GPC5: variants seen among roughly 807,000 people sequenced by gnomAD.
GPC5 encodes glypican 5, also known as glypican-5.
A neutral mutation model predicts 53.9 loss-of-function variants in GPC5; 47 were observed. The ratio of observed to expected loss-of-function variants is 0.87; its 90% CI spans 0.69 to 1.11. The LOEUF (loss-of-function observed/expected upper bound fraction) is 1.11, where lower values mean the gene tolerates loss of function less well. Ranked by LOEUF, GPC5 falls within the 50% of genes most tolerant of loss-of-function variation. The pLI, the probability that GPC5 is intolerant of heterozygous loss-of-function variation, is 0.00. For synonymous variants in GPC5, 286 were observed against 263.3 expected (o/e 1.09, Z -0.84); for missense variants, 748 against 713.1 (o/e 1.05, Z -0.56).
chr13:91,782,434 GA>G (rs2037812408), intron 5 of GPC5, among the ~76,000 whole-genome samples: 1 of 152,134 alleles, frequency 6.6e-6, no homozygotes, highest in African/African-American at 2.4e-5. Flanking sequence ...GGGAAGCAAG[GA>G]CCTTCTTCAC....
intron 6 of GPC5, among the ~76,000 whole-genome samples, chr13:92,113,242 GAATACAATCTT>G (rs1168222252): frequency 6.6e-6 from 1 of 152,028 alleles, no homozygotes; most frequent in East Asian, 1.9e-4. Context: ...GTTTTGACAT[GAATACAATCTT>G]ACAGTTACAA....
intron 7 of GPC5, among the ~76,000 whole-genome samples, chr13:92,225,685 T>TC (rs2139093649): frequency 6.6e-6 from 1 of 152,314 alleles, no homozygotes; most frequent in East Asian, 1.9e-4. Context: ...TATATATGCA[T>TC]GAATTTGTAC....
intron 7 of GPC5, among the ~76,000 whole-genome samples, chr13:92,705,243 G>A (rs1887910564): frequency 6.6e-6 from 1 of 151,926 alleles, no homozygotes; most frequent in Admixed American, 6.6e-5. Flanking sequence ...GTGTAGTAAG[G>A]TAAATAATTT....
intron 6 of GPC5, among the ~76,000 whole-genome samples, chr13:92,122,026 C>G (rs2041653950): frequency 6.6e-6 from 1 of 152,202 alleles, no homozygotes; most frequent in African/African-American, 2.4e-5. Flanking sequence ...ACAAATCACA[C>G]ATCTACAGAC....
intron 5 of GPC5, among the ~76,000 whole-genome samples, chr13:91,761,172 C>T (rs537393895): frequency 1.3e-5 from 2 of 152,106 alleles, no homozygotes; most frequent in Non-Finnish European, 2.9e-5. Context: ...CCAGGGCTTC[C>T]TTTTCCCTTT....
intron 7 of GPC5, among the ~76,000 whole-genome samples, chr13:92,310,468 A>G (rs1204151348): frequency 6.6e-6 from 1 of 152,188 alleles, no homozygotes; most frequent in Non-Finnish European, 1.5e-5. Flanking sequence ...AGTTAAGTCT[A>G]CAGTAACAGC....
intron 7 of GPC5, among the ~76,000 whole-genome samples, chr13:92,480,256 A>C (rs1879297915): frequency 6.6e-6 from 1 of 152,208 alleles, no homozygotes; most frequent in Non-Finnish European, 1.5e-5. Flanking sequence ...AGTTCAGTGC[A>C]GAGAGGTCTT....
intron 6 of GPC5, among the ~76,000 whole-genome samples, chr13:92,095,434 GC>G (rs890044938): frequency 4.6e-5 from 7 of 151,532 alleles, no homozygotes; most frequent in Middle Eastern, 3.2e-3. Context: ...TGCAACCTCC[GC>G]CTCGTGGGTT....
intron 6 of GPC5, among the ~76,000 whole-genome samples, chr13:91,949,309 G>A (rs2040004599): frequency 6.6e-6 from 1 of 152,184 alleles, no homozygotes; most frequent in African/African-American, 2.4e-5. Context: ...TTTTGCTTAT[G>A]TATGTACACT....
At chr13:92,434,450 G>A (rs540349165) in intron 7 of GPC5, among the ~76,000 whole-genome samples, 44 of 152,034 alleles carry the variant, frequency 2.9e-4, no homozygotes, top group Middle Eastern at 3.4e-3. Context: ...TATACTACAA[G>A]AGAAAAAACA....
At chr13:92,596,819 T>G (rs1883898301) in intron 7 of GPC5, among the ~76,000 whole-genome samples, 1 of 152,196 alleles carries the variant, frequency 6.6e-6, no homozygotes, top group African/African-American at 2.4e-5. Context: ...ATAATTTAAT[T>G]CTAAAACAGG....
At chr13:92,651,137 C>G (rs1159029034) in intron 7 of GPC5, among the ~76,000 whole-genome samples, 1 of 151,588 alleles carries the variant, frequency 6.6e-6, no homozygotes, top group Non-Finnish European at 1.5e-5. Context: ...ACCTTGTGAT[C>G]TTGTGAGCTA....
At chr13:91,448,380 T>C (rs1015288490) in intron 1 of GPC5, among the ~76,000 whole-genome samples, 3 of 152,232 alleles carry the variant, frequency 2.0e-5, no homozygotes, top group East Asian at 1.9e-4. Flanking sequence ...GCAATTCTTT[T>C]AGTCCACATA....
chr13:92,391,783 C>G (rs1000034887), intron 7 of GPC5, among the ~76,000 whole-genome samples: 1 of 152,048 alleles, frequency 6.6e-6, no homozygotes, highest in East Asian at 1.9e-4. Context: ...CACCAAAAGT[C>G]CTTTAGGGGA....
At chr13:92,179,745 A>G (rs2042133126) in intron 7 of GPC5, among the ~76,000 whole-genome samples, 1 of 152,192 alleles carries the variant, frequency 6.6e-6, no homozygotes, top group Non-Finnish European at 1.5e-5. Flanking sequence ...ATGCTTTTAA[A>G]ACTTTGATGA....
chr13:92,205,312 A>G (rs917352449), intron 7 of GPC5, among the ~76,000 whole-genome samples: 4 of 152,106 alleles, frequency 2.6e-5, no homozygotes, highest in Non-Finnish European at 5.9e-5. Flanking sequence ...CATAGGCATG[A>G]TTGATTGATT....
intron 7 of GPC5, among the ~76,000 whole-genome samples, chr13:92,364,538 G>A (rs1270394179): frequency 6.6e-6 from 1 of 151,624 alleles, no homozygotes; most frequent in East Asian, 1.9e-4. Flanking sequence ...AGACCATCCT[G>A]GCTAACATGG....
chr13:92,133,313 C>T (rs764713694), intron 6 of GPC5, among the ~76,000 whole-genome samples: 1 of 152,128 alleles, frequency 6.6e-6, no homozygotes, highest in Admixed American at 6.6e-5. Context: ...GATGCTGTGC[C>T]ATCTGGCGTA....
rs1189571066 is a variant in GPC5, at chr13:92,117,456, A to T, written c.1402-27374A>T. Among the ~76,000 whole-genome samples, 3 of 152,162 alleles carry T rather than the reference A, an allele frequency of 2.0e-5. No homozygotes were observed. The East Asian group carries it at 5.8e-4, about 29-fold the overall frequency. On this transcript the variant is annotated intron_variant, in intron 6 of 7. Transcript: ENST00000377067. Reference sequence around the variant, plus strand: ...GGTCTTTTTAAAAATTGCTTTTGTTAATCTTAATTTTTCTGCCTTGCCCTA... The same window carrying T: ...GGTCTTTTTAAAAATTGCTTTTGTTTATCTTAATTTTTCTGCCTTGCCCTA...
Sources: gnomAD v4.1 joint callset for allele counts (sites outside exome capture counted in the v4.1 genomes callset) on GRCh38, gnomAD v4.1.1 for gene constraint, MANE v1.5 for transcripts, NCBI Gene and HGNC (gene_info 2026-07-23, HGNC 2026-07-21) for gene names.